Variants in TRPM3 observed in about 807,000 individuals in gnomAD.
The protein encoded by TRPM3 is transient receptor potential cation channel subfamily M member 3, also known as long transient receptor potential channel 3.
Under a neutral mutation model 181.2 loss-of-function variants are expected in TRPM3, and 77 were observed. That is an observed-to-expected ratio of 0.42 (90% confidence interval 0.35 to 0.51). The LOEUF is 0.51. Ranked by LOEUF, TRPM3 falls within the 20% of genes least tolerant of loss-of-function variation. The pLI, the probability that TRPM3 is intolerant of heterozygous loss-of-function variation, is 0.01. For missense variants in TRPM3, 1,759 were observed against 2,196.7 expected, an observed-to-expected ratio of 0.80 and a Z score of 3.98; for synonymous variants, 745 against 796.4, an observed-to-expected ratio of 0.94 and a Z score of 1.09.
chr9:71,151,099 T>C (rs2075713005), intron 1 of TRPM3, among the ~76,000 whole-genome samples: 1 of 152,210 alleles, frequency 6.6e-6, no homozygotes, highest in African/African-American at 2.4e-5. Flanking sequence ...TAGGAGTGTG[T>C]GTGTGCGCGT....
intron 5 of TRPM3, among the ~76,000 whole-genome samples, chr9:70,840,857 TC>T (rs1260188891): frequency 6.6e-6 from 1 of 151,876 alleles, no homozygotes; most frequent in African/African-American, 2.4e-5. Context: ...AGTTACTCTA[TC>T]TTGCATAAAT....
At chr9:71,059,232 G>C (rs2061025161) in intron 1 of TRPM3, among the ~76,000 whole-genome samples, 1 of 151,446 alleles carries the variant, frequency 6.6e-6, no homozygotes, top group Non-Finnish European at 1.5e-5. Flanking sequence ...ACAATCTCGG[G>C]ATTTCCCTTG....
rs150002623 is a variant in TRPM3, at chr9:70,907,623, G to A, written c.178-43112C>T. 5.3e-5 allele frequency among the ~76,000 whole-genome samples: 8 copies of A among 152,236 alleles called. No homozygotes were observed. The East Asian group carries it at 1.5e-3, about 29-fold the overall frequency. ...ACATGGGTGTGTTGCATGACACTGA[G>A]GTTTGAGCTTCTACTGATCCCATTG... On this transcript the variant is annotated intron_variant, in intron 1 of 25. Coordinates refer to ENST00000677713, the MANE Select transcript of TRPM3 (RefSeq NM_001366145.2).
chr9:70,766,830 T>A lies in TRPM3; in HGVS notation c.1149-5106A>T, dbSNP rs149840078. On this transcript the variant is annotated intron_variant, in intron 7 of 25. Transcript: ENST00000677713. ...CATTATGGCCACCAGGGCCAGGCTGTCTGGATTTAAGCTGTTACCTGTTGG... is the reference window on the plus strand; with the variant it reads ...CATTATGGCCACCAGGGCCAGGCTGACTGGATTTAAGCTGTTACCTGTTGG... Among the ~76,000 whole-genome samples the A allele has an allele frequency of 1.3e-3, 196 of 152,356 alleles. 1 individual carries two copies. Among genetic ancestry groups the A allele is most frequent in the African/African-American group, 4.6e-3 (193 of 41,592 alleles).
At chr9:70,904,043 C>T (rs948794002) in intron 1 of TRPM3, among the ~76,000 whole-genome samples, 6 of 151,874 alleles carry the variant, frequency 4.0e-5, no homozygotes, top group East Asian at 3.9e-4. Context: ...GGCAACATGG[C>T]GAAACCTATC....
At chr9:70,694,308 A>C (rs1293700832) in intron 8 of TRPM3, among the ~76,000 whole-genome samples, 1 of 152,138 alleles carries the variant, frequency 6.6e-6, no homozygotes. Flanking sequence ...AAGTTTGACT[A>C]GCTGGTGACT....
intron 25 of TRPM3, among the ~76,000 whole-genome samples, chr9:70,545,072 T>C (rs2044482922): frequency 6.6e-6 from 1 of 152,168 alleles, no homozygotes; most frequent in African/African-American, 2.4e-5. Context: ...AATGGGGACA[T>C]AGGTTAAGAG....
At chr9:70,998,250 C>CAT (rs1276352872) in intron 1 of TRPM3, among the ~76,000 whole-genome samples, 23 of 129,404 alleles carry the variant, frequency 1.8e-4, no homozygotes, top group Admixed American at 1.3e-3. Context: ...CACACACACA[C>CAT]ATATATATAT....
At chr9:71,120,059 T>C (rs1176488517) in intron 1 of TRPM3, among the ~76,000 whole-genome samples, 3 of 152,174 alleles carry the variant, frequency 2.0e-5, no homozygotes, top group Non-Finnish European at 4.4e-5. Context: ...GAGGCACCAC[T>C]TAGCTGTATG....
rs1459632666 is a variant in TRPM3, at chr9:70,848,743, C to T, written c.463-2152G>A. 4.5e-4 allele frequency among the ~76,000 whole-genome samples: 13 copies of T among 28,904 alleles called. 5 individuals are homozygous for T. Among genetic ancestry groups the T allele is most frequent in the Non-Finnish European group, 1.6e-4 (2 of 12,268 alleles). The allele number at this position is 28,904 out of a possible 152,430, so 19.0% of individuals were successfully genotyped here. A position where few individuals can be genotyped will look rare whatever the true frequency, so the allele number is the denominator to read the frequency against. On this transcript the variant is annotated intron_variant, in intron 3 of 25. Coordinates refer to ENST00000677713, the MANE Select transcript of TRPM3 (RefSeq NM_001366145.2). Reference sequence around the variant, plus strand: ...CTGTAATCCCAGCACTTTGGGAGGCCGAGGCGGGCGGATCACGAGGTCAGG... The same window carrying T: ...CTGTAATCCCAGCACTTTGGGAGGCTGAGGCGGGCGGATCACGAGGTCAGG...
At chr9:70,756,334 T>C (rs1406390827) in intron 8 of TRPM3, among the ~76,000 whole-genome samples, 1 of 151,906 alleles carries the variant, frequency 6.6e-6, no homozygotes, top group Non-Finnish European at 1.5e-5. Context: ...GCACCCAGAT[T>C]CATAAAGCAA....
intron 1 of TRPM3, among the ~76,000 whole-genome samples, chr9:71,342,825 A>T (rs960425105): frequency 6.6e-6 from 1 of 152,144 alleles, no homozygotes; most frequent in African/African-American, 2.4e-5. Flanking sequence ...ATGTCTTTTA[A>T]TAAGTGAATT....
At chr9:71,409,297 A>G (rs2093496823) in intron 1 of TRPM3, among the ~76,000 whole-genome samples, 1 of 152,240 alleles carries the variant, frequency 6.6e-6, no homozygotes, top group Admixed American at 6.5e-5. Context: ...TGCCTCAATT[A>G]AAAGACACAG....
intron 1 of TRPM3, among the ~76,000 whole-genome samples, chr9:71,338,847 G>A (rs2090758018): frequency 6.6e-6 from 1 of 152,040 alleles, no homozygotes; most frequent in Non-Finnish European, 1.5e-5. Flanking sequence ...TCAAAAACAA[G>A]GCAAAGATGT....
At chr9:70,917,520 C>T (rs375883548) in intron 1 of TRPM3, 20 of 668,532 alleles carry the variant, frequency 3.0e-5, no homozygotes, top group South Asian at 9.3e-5. Context: ...ATAACTGGGG[C>T]GGGCACGCAG....
At chr9:71,348,159 C>T (rs1466644589) in intron 1 of TRPM3, among the ~76,000 whole-genome samples, 1 of 152,152 alleles carries the variant, frequency 6.6e-6, no homozygotes, top group Non-Finnish European at 1.5e-5. Context: ...AAAAGTTACA[C>T]ATACACAGAG....
chr9:71,268,849 TA>T (rs984574848), intron 1 of TRPM3, among the ~76,000 whole-genome samples: 5 of 151,502 alleles, frequency 3.3e-5, no homozygotes, highest in African/African-American at 9.7e-5. Flanking sequence ...AATTAAAAAT[TA>T]AAAAAAACAA....
chr9:71,191,265 G>C (rs530232022), intron 1 of TRPM3, among the ~76,000 whole-genome samples: 1 of 151,888 alleles, frequency 6.6e-6, no homozygotes, highest in Non-Finnish European at 1.5e-5. Flanking sequence ...TGGGTACATA[G>C]TAGACACTGT....
At chr9:70,648,534 A>G (rs2059196452) in intron 9 of TRPM3, among the ~76,000 whole-genome samples, 1 of 152,070 alleles carries the variant, frequency 6.6e-6, no homozygotes, top group East Asian at 1.9e-4. Flanking sequence ...AATAGCCAAA[A>G]CAATCTTAAG....
Sources: gnomAD v4.1 joint callset for allele counts (sites outside exome capture counted in the v4.1 genomes callset) on GRCh38, gnomAD v4.1.1 for gene constraint, MANE v1.5 for transcripts, NCBI Gene and HGNC (gene_info 2026-07-23, HGNC 2026-07-21) for gene names.